The following MARCHF1 variants were observed in gnomAD, a reference collection of about 807,000 sequenced individuals.
MARCHF1 encodes the protein E3 ubiquitin-protein ligase MARCHF1.
MARCHF1 carries 40 observed loss-of-function variants against 54.2 expected under a neutral mutation model. The ratio of observed to expected loss-of-function variants is 0.74; its 90% confidence interval spans 0.57 to 0.96. The LOEUF (loss-of-function observed/expected upper bound fraction) is 0.96, where lower values mean the gene tolerates loss of function less well. MARCHF1 is among the 40% of genes least tolerant of loss of function. The probability of loss-of-function intolerance (pLI) is 0.00; values close to 1 mark genes in which losing one functional copy is unlikely to be tolerated. For missense variants in MARCHF1, 586 were observed against 656.5 expected (o/e 0.89, Z 1.17); for synonymous variants, 236 against 236.3 (o/e 1.00, Z 0.01).
intron 1 of MARCHF1, among the ~76,000 whole-genome samples, chr4:164,145,587 A>G (rs1207495161): frequency 3.9e-5 from 6 of 152,216 alleles, no homozygotes; most frequent in African/African-American, 1.2e-4. Flanking sequence ...GATTACCTCA[A>G]TAGATTCAGA....
chr4:164,366,115 A>T (rs144279699), intron 1 of MARCHF1, among the ~76,000 whole-genome samples: 2 of 152,246 alleles, frequency 1.3e-5, no homozygotes, highest in Admixed American at 1.3e-4. Flanking sequence ...ATGAATATAA[A>T]ATCAGAAAAG....
intron 4 of MARCHF1, among the ~76,000 whole-genome samples, chr4:163,827,467 T>C (rs1012824817): frequency 3.3e-5 from 5 of 152,130 alleles, no homozygotes; most frequent in Non-Finnish European, 7.4e-5. Context: ...TTATTTGACA[T>C]AAGATATAAA....
chr4:164,100,786 G>A (rs13120963), intron 2 of MARCHF1, among the ~76,000 whole-genome samples: 11,310 of 152,226 alleles, frequency 0.074, 515 homozygotes, highest in Middle Eastern at 0.16. Context: ...GAACAGCTCC[G>A]GTCTACAGCT....
chr4:163,934,681 C>G (rs1157247063), intron 3 of MARCHF1, among the ~76,000 whole-genome samples: 2 of 149,254 alleles, frequency 1.3e-5, no homozygotes, highest in Non-Finnish European at 3.0e-5. Context: ...ACTTCTACTT[C>G]TAGTTCTCTT....
At chr4:164,115,972 G>GA (rs1755931138) in intron 1 of MARCHF1, among the ~76,000 whole-genome samples, 1 of 123,088 alleles carries the variant, frequency 8.1e-6, no homozygotes, top group Admixed American at 8.6e-5. Flanking sequence ...CTCTAATTAT[G>GA]AATACTTTAG....
chr4:163,633,590 A>G (rs1046663477), intron 5 of MARCHF1, among the ~76,000 whole-genome samples: 9 of 152,340 alleles, frequency 5.9e-5, no homozygotes, highest in African/African-American at 2.2e-4. Context: ...GAAATATGGG[A>G]CTATGTAAAA....
intron 5 of MARCHF1, among the ~76,000 whole-genome samples, chr4:163,623,506 T>C (rs1452036545): frequency 1.3e-5 from 2 of 152,156 alleles, no homozygotes; most frequent in African/African-American, 4.8e-5. Flanking sequence ...TCTATGAGAA[T>C]CCACGTTTCT....
At position 164,030,494 on chromosome 4, in the gene MARCHF1, C is replaced by T. The variant is rs1250578389; in HGVS notation, c.-247-41785G>A. Reference sequence around the variant, plus strand: ...CTGCTTCAAGATCAAACTCATTGTTCATATGAACACTTTCTGTGAAAGATT... The same window carrying T: ...CTGCTTCAAGATCAAACTCATTGTTTATATGAACACTTTCTGTGAAAGATT... On this transcript the variant is annotated intron_variant, in intron 2 of 9. Transcript: ENST00000514618. Among the ~76,000 whole-genome samples, 3 of 152,256 alleles carry T rather than the reference C, an allele frequency of 2.0e-5. No individual in the cohort carries two copies. In the East Asian group the frequency reaches 5.8e-4, roughly 29 times the overall value.
In MARCHF1 at chr4:163,635,506, A is replaced by T. The variant is rs545089673; in HGVS notation, c.163-22113T>A. 3.6e-3 allele frequency among the ~76,000 whole-genome samples: 526 copies of T among 146,008 alleles called. 3 individuals are homozygous for T. The highest frequency in any genetic ancestry group is 0.012 in the African/African-American group (472 of 39,000). ...CTAGAAAATCTAGAAGAAATGGATA[A>T]ATTCCTTGACACATATACTCTCCCA... is the stretch of plus-strand genomic sequence containing the variant. On this transcript the variant is annotated intron_variant, in intron 5 of 9. Coordinates refer to ENST00000514618, the MANE Select transcript of MARCHF1 (RefSeq NM_001394959.1).
At chr4:164,238,157 C>T (rs1008555722) in intron 1 of MARCHF1, among the ~76,000 whole-genome samples, 2 of 152,002 alleles carry the variant, frequency 1.3e-5, no homozygotes, top group Non-Finnish European at 2.9e-5. Flanking sequence ...AATTTTTAGA[C>T]TAGAGCTTTC....
chr4:164,098,431 T>C lies in MARCHF1; in HGVS notation c.-248+13157A>G, dbSNP rs535591699. 3.1e-4 allele frequency among the ~76,000 whole-genome samples: 47 copies of C among 152,264 alleles called. 1 individual carries two copies. The highest frequency in any genetic ancestry group is 2.8e-3 in the Admixed American group (43 of 15,304). On this transcript the variant is annotated intron_variant, in intron 2 of 9. Transcript: ENST00000514618. The stretch of plus-strand genomic sequence containing the variant: ...TTGTTTGGAAGGACAAGATGAATTA[T>C]TGAAGAGTAGCCCTAAAATGTCATG...
intron 2 of MARCHF1, among the ~76,000 whole-genome samples, chr4:164,067,530 T>C (rs532160551): frequency 1.5e-3 from 233 of 152,334 alleles, no homozygotes; most frequent in Middle Eastern, 3.4e-3. Flanking sequence ...GCTAGCCATA[T>C]GCAGAAGAAT....
At chr4:163,724,783 C>T (rs986970878) in intron 4 of MARCHF1, among the ~76,000 whole-genome samples, 1 of 152,196 alleles carries the variant, frequency 6.6e-6, no homozygotes, top group African/African-American at 2.4e-5. Flanking sequence ...GAATGAGAAT[C>T]CGCGGGCGTG....
At chr4:163,903,689 C>A (rs1038150473) in intron 3 of MARCHF1, among the ~76,000 whole-genome samples, 1 of 151,990 alleles carries the variant, frequency 6.6e-6, no homozygotes, top group Admixed American at 6.6e-5. Context: ...TGGTTCACTG[C>A]AACGTCTGCA....
chr4:163,843,409 GTTTGT>G (rs1749395724), intron 4 of MARCHF1, among the ~76,000 whole-genome samples: 1 of 152,022 alleles, frequency 6.6e-6, no homozygotes, highest in Admixed American at 6.6e-5. Context: ...TGAATGGCAG[GTTTGT>G]TTTAAGTCCT....
intron 4 of MARCHF1, among the ~76,000 whole-genome samples, chr4:163,704,946 C>A (rs1472231660): frequency 6.6e-6 from 1 of 151,296 alleles, no homozygotes; most frequent in African/African-American, 2.4e-5. Flanking sequence ...AAAATGATAT[C>A]AGAAATGATA....
chr4:163,912,080 T>C (rs988506109), intron 3 of MARCHF1, among the ~76,000 whole-genome samples: 1 of 132,456 alleles, frequency 7.5e-6, no homozygotes, highest in East Asian at 2.2e-4. Context: ...TTTTTTTTTT[T>C]CCATGTTTTA....
At chr4:164,355,952 G>A (rs368924681) in intron 1 of MARCHF1, among the ~76,000 whole-genome samples, 1,279 of 119,698 alleles carry the variant, frequency 0.011, 32 homozygotes, top group Middle Eastern at 0.044. Flanking sequence ...AAAAGTGGGC[G>A]AAGGACATGA....
In MARCHF1 at chr4:163,613,351, T is replaced by G. The variant is rs1386667845; in HGVS notation, c.205A>C (p.Arg69=). The part of the protein sequence containing the change: ...TTGTAPRSQS[R]LSVCPSTQDI... ...TGAGTGGATGGACAGACAGACAACC[T>G]TGACTGGCTCCTGGGAGCTGTCCCT... is the stretch of plus-strand genomic sequence containing the variant. The change falls in exon 6 of 10, where the codon AGG becomes CGG. Residue 69 remains arginine, a synonymous_variant. Coordinates refer to ENST00000514618, the MANE Select transcript of MARCHF1 (RefSeq NM_001394959.1). 3 of 1,613,006 alleles carry G rather than the reference T, an allele frequency of 1.9e-6. No individual in the cohort carries two copies. In the Admixed American group the frequency reaches 5.0e-5, roughly 27 times the overall value.
Sources: gnomAD v4.1 joint callset for allele counts (sites outside exome capture counted in the v4.1 genomes callset) on GRCh38, gnomAD v4.1.1 for gene constraint, MANE v1.5 for transcripts, NCBI Gene and HGNC (gene_info 2026-07-23, HGNC 2026-07-21) for gene names.